The following KIAA1549L variants were observed in gnomAD, a reference collection of about 807,000 sequenced individuals.
KIAA1549L encodes the protein KIAA1549 like.
A neutral mutation model predicts 160.7 loss-of-function variants in KIAA1549L; 88 were observed. The observed-to-expected ratio is 0.55, with a 90% CI of 0.46 to 0.65. The LOEUF is 0.65. KIAA1549L is among the 30% of genes least tolerant of loss of function. The pLI is 0.00. For synonymous variants in KIAA1549L, 950 were observed against 976.7 expected (o/e 0.97, Z 0.51); for missense variants, 2,258 against 2,437.5 (o/e 0.93, Z 1.55).
chr11:33,632,454 C>T (rs763052605), intron 16 of KIAA1549L, among the ~76,000 whole-genome samples: 81 of 152,204 alleles, frequency 5.3e-4, no homozygotes, highest in African/African-American at 1.7e-3. Context: ...CAGGCCCCAT[C>T]GATGGAGCTG....
chr11:33,506,207 AGTG>A (rs1853083342), intron 1 of KIAA1549L, among the ~76,000 whole-genome samples: 1 of 152,202 alleles, frequency 6.6e-6, no homozygotes, highest in Non-Finnish European at 1.5e-5. Context: ...AGGAAACTGG[AGTG>A]GGCCCTGGCT....
chr11:33,537,809 A>G (rs1251282479), intron 1 of KIAA1549L, among the ~76,000 whole-genome samples: 1 of 152,220 alleles, frequency 6.6e-6, no homozygotes, highest in African/African-American at 2.4e-5. Flanking sequence ...AGTGACAGGC[A>G]CAGACATGTC....
At chr11:33,517,147 G>C (rs1194596983) in intron 1 of KIAA1549L, among the ~76,000 whole-genome samples, 1 of 152,210 alleles carries the variant, frequency 6.6e-6, no homozygotes, top group Non-Finnish European at 1.5e-5. Context: ...GCTAGGGTAT[G>C]TCTCTCCCTT....
chr11:33,475,429 C>G (rs770528077), intron 1 of KIAA1549L, among the ~76,000 whole-genome samples: 1 of 151,940 alleles, frequency 6.6e-6, no homozygotes, highest in African/African-American at 2.4e-5. Context: ...TAGTGGCTCA[C>G]GTCTATAATC....
At chr11:33,596,763 G>A (rs7948224) in intron 12 of KIAA1549L, among the ~76,000 whole-genome samples, 11,473 of 152,060 alleles carry the variant, frequency 0.075, 1,471 homozygotes, top group African/African-American at 0.26. Context: ...TCACTATTTT[G>A]TGAATGTGAA....
At chr11:33,585,330 C>G (rs1855777065) in intron 11 of KIAA1549L, among the ~76,000 whole-genome samples, 1 of 152,100 alleles carries the variant, frequency 6.6e-6, no homozygotes, top group East Asian at 1.9e-4. Flanking sequence ...ACTAGCCTGA[C>G]CAACATGGAG....
At chr11:33,398,988 T>C (rs1850443937) in intron 1 of KIAA1549L, among the ~76,000 whole-genome samples, 1 of 151,702 alleles carries the variant, frequency 6.6e-6, no homozygotes, top group Non-Finnish European at 1.5e-5. Context: ...AGTCTTGCTC[T>C]GTCACCCAGG....
intron 1 of KIAA1549L, among the ~76,000 whole-genome samples, chr11:33,427,748 G>T (rs571558533): frequency 3.2e-4 from 48 of 152,178 alleles, no homozygotes; most frequent in African/African-American, 1.2e-3. Context: ...TCATTATTCT[G>T]AAAGCAACCC....
chr11:33,409,029 A>G (rs905567189), intron 1 of KIAA1549L, among the ~76,000 whole-genome samples: 1 of 151,664 alleles, frequency 6.6e-6, no homozygotes, highest in Non-Finnish European at 1.5e-5. Context: ...GTGGGGAAAT[A>G]TTCCTCCTTC....
rs1253595127 is a variant in KIAA1549L, at chr11:33,376,595, T to G, written c.-57T>G. 6.7e-6 allele frequency: 1 copy of G among 149,532 alleles called. No individual in the cohort carries two copies. Among genetic ancestry groups the G allele is most frequent in the African/African-American group, 2.4e-5 (1 of 41,156 alleles). The allele number at this position is 149,532 out of a possible 1,614,324, so 9.3% of individuals were successfully genotyped here. ...CGGTGAGGACCGGGGCGCCGAGGGC[T>G]GGGCTCCCCGGCGCGGTGCAGAGCG... On this transcript the variant is annotated 5_prime_UTR_variant, in exon 1 of 21. Coordinates refer to ENST00000658780, the MANE Select transcript of KIAA1549L (RefSeq NM_012194.3). This position sits in a 1 kb window ranked among gnomAD's most constrained non-coding sequence, Gnocchi z 5.8.
At chr11:33,577,157 G>A (rs1440724505) in intron 10 of KIAA1549L, among the ~76,000 whole-genome samples, 1 of 152,134 alleles carries the variant, frequency 6.6e-6, no homozygotes, top group Non-Finnish European at 1.5e-5. Flanking sequence ...ACTGCGTGTC[G>A]ATTTATATTC....
At chr11:33,558,303 A>G (rs1438848895) in intron 6 of KIAA1549L, among the ~76,000 whole-genome samples, 1 of 152,116 alleles carries the variant, frequency 6.6e-6, no homozygotes, top group South Asian at 2.1e-4. Context: ...GCAGTACGGT[A>G]CCCAAGGCTC....
At chr11:33,537,696 T>C (rs953754401) in intron 1 of KIAA1549L, among the ~76,000 whole-genome samples, 1 of 152,214 alleles carries the variant, frequency 6.6e-6, no homozygotes, top group African/African-American at 2.4e-5. Flanking sequence ...CTTTTTCACA[T>C]GTTTTAGGGA....
intron 1 of KIAA1549L, among the ~76,000 whole-genome samples, chr11:33,394,415 AAATAAACAAAC>A (rs1225672367): frequency 7.4e-3 from 195 of 26,408 alleles, no homozygotes; most frequent in African/African-American, 0.013. Context: ...ATAAATAAAT[AAATAAACAAAC>A]AATAAACAAT....
chr11:33,620,904 T>C (rs1850942110), intron 16 of KIAA1549L, among the ~76,000 whole-genome samples: 1 of 152,222 alleles, frequency 6.6e-6, no homozygotes. Flanking sequence ...TTCTAAGCTC[T>C]TGATTTTCTA....
chr11:33,576,402 C>G (rs1465254167), intron 10 of KIAA1549L, among the ~76,000 whole-genome samples: 1 of 152,172 alleles, frequency 6.6e-6, no homozygotes, highest in Admixed American at 6.5e-5. Context: ...CAATTTTAAC[C>G]AAGATTCTTT....
At chr11:33,451,719 T>G (rs1851725000) in intron 1 of KIAA1549L, among the ~76,000 whole-genome samples, 1 of 152,214 alleles carries the variant, frequency 6.6e-6, no homozygotes, top group Admixed American at 6.5e-5. Flanking sequence ...AGACTGAGCT[T>G]CTCTCCAGAA....
intron 17 of KIAA1549L, among the ~76,000 whole-genome samples, chr11:33,652,828 TAGAC>T (rs1433287370): frequency 4.6e-5 from 7 of 152,192 alleles, no homozygotes; most frequent in Non-Finnish European, 8.8e-5. Context: ...AGGGGGTCAT[TAGAC>T]AGATAAGTGA....
chr11:33,494,618 G>C (rs6484655), intron 1 of KIAA1549L, among the ~76,000 whole-genome samples: 34,162 of 152,164 alleles, frequency 0.22, 4,081 homozygotes, highest in East Asian at 0.38. Flanking sequence ...AAGTGCCTTA[G>C]ATTTTCCAGT....
Sources: allele counts gnomAD v4.1 joint callset (sites outside exome capture counted in the v4.1 genomes callset), GRCh38; gene constraint gnomAD v4.1.1; non-coding constraint Gnocchi (gnomAD v3.1); transcripts MANE v1.5; gene names NCBI Gene and HGNC (gene_info 2026-07-23, HGNC 2026-07-21).